The following SHLD2 variants were observed in gnomAD, a reference collection of about 807,000 sequenced individuals.
The protein encoded by SHLD2 is shieldin complex subunit 2.
In SHLD2, 30 loss-of-function variants were observed where a neutral mutation model predicts 73.2. The ratio of observed to expected loss-of-function variants is 0.41; its 90% CI spans 0.31 to 0.56. The LOEUF (loss-of-function observed/expected upper bound fraction) is 0.56. SHLD2 is among the 20% of genes least tolerant of loss of function. SHLD2 has a pLI of 0.28. For synonymous variants in SHLD2, 285 were observed against 370.1 expected, an observed-to-expected ratio of 0.77 and a Z score of 2.64; for missense variants, 745 against 1,055.9, an observed-to-expected ratio of 0.71 and a Z score of 4.08.
chr10:87,150,214 G>A (rs1306689197), intron 2 of SHLD2, among the ~76,000 whole-genome samples: 7 of 151,560 alleles, frequency 4.6e-5, no homozygotes, highest in Admixed American at 4.6e-4. Flanking sequence ...TTAGGCACGG[G>A]CCATCACAGC....
At chr10:87,170,799 A>G in intron 5 of SHLD2, 41 bp from the exon 6 acceptor site, 1 of 1,612,944 alleles carries the variant, frequency 6.2e-7, no homozygotes. Context: ...ATCACGTGTG[A>G]TAGAGTAATG....
At chr10:87,189,386 T>A (rs1337836938) in intron 9 of SHLD2, among the ~76,000 whole-genome samples, 2 of 152,258 alleles carry the variant, frequency 1.3e-5, no homozygotes, top group African/African-American at 2.4e-5. Context: ...CAGTGTTTTG[T>A]CCATTCTTGA....
At chr10:87,148,065 A>G (rs1845750401) in intron 2 of SHLD2, among the ~76,000 whole-genome samples, 1 of 152,156 alleles carries the variant, frequency 6.6e-6, no homozygotes, top group African/African-American at 2.4e-5. Flanking sequence ...TGCCTAGGCT[A>G]GTCTTGAACT....
At chr10:87,142,922 C>CTTTTTTTTTTTTT (rs71269253) in intron 2 of SHLD2, among the ~76,000 whole-genome samples, 119 of 83,046 alleles carry the variant, frequency 1.4e-3, no homozygotes, top group Non-Finnish European at 1.9e-3. Context: ...TTTATTTTTA[C>CTTTTTTTTTTTTT]TTTTTTTTTT....
Position 87,187,194 on chromosome 10 carries a change from G to C in SHLD2, c.2509G>C (p.Val837Leu), listed in dbSNP as rs771594387. Residue 837 changes from valine (V) to leucine (L), a missense_variant, in exon 9 of 10, where the codon GTG (valine) becomes CTG (leucine). Around this residue, in one of 5 missense-constraint regions of SHLD2, gnomAD observed 418 missense variants for 567.8 expected, o/e 0.74. Coordinates refer to ENST00000298786, the MANE Select transcript of SHLD2 (RefSeq NM_001330112.2). Reference protein sequence around the residue: ...LNISADCLNRVIVPSSEITYG... With the variant: ...LNISADCLNRLIVPSSEITYG... ...CATTTCTGCAGACTGCCTCAACAGA[G>C]TGATAGGTAATATATCAGTGTGCCA... is the stretch of plus-strand genomic sequence containing the variant. The C allele has an allele frequency of 6.4e-7, 1 of 1,568,766 alleles. No individual in the cohort carries two copies. The highest frequency in any genetic ancestry group is 1.4e-5 in the African/African-American group (1 of 73,974).
intron 9 of SHLD2, among the ~76,000 whole-genome samples, chr10:87,188,556 T>A (rs1034181031): frequency 2.0e-4 from 30 of 152,220 alleles, no homozygotes; most frequent in African/African-American, 5.5e-4. Flanking sequence ...GAGACTACTA[T>A]GTGGAAGAGC....
At chr10:87,104,860 C>T (rs991742155) in intron 2 of SHLD2, among the ~76,000 whole-genome samples, 1 of 151,986 alleles carries the variant, frequency 6.6e-6, no homozygotes, top group Non-Finnish European at 1.5e-5. Flanking sequence ...GAGGTTTCAC[C>T]ATGTTGGCCA....
At chr10:87,186,377 C>T (rs1848620171) in intron 8 of SHLD2, among the ~76,000 whole-genome samples, 2 of 152,230 alleles carry the variant, frequency 1.3e-5, no homozygotes, top group South Asian at 4.1e-4. Flanking sequence ...TTAAAATGCA[C>T]ACTACATAGG....
At chr10:87,164,994 C>T (rs1050744132) in intron 4 of SHLD2, among the ~76,000 whole-genome samples, 3 of 152,014 alleles carry the variant, frequency 2.0e-5, no homozygotes, top group Non-Finnish European at 2.9e-5. Flanking sequence ...CGAGACCAGC[C>T]TGGGCAACAT....
chr10:87,151,870 T>C lies in SHLD2; in HGVS notation c.516T>C (p.His172=), dbSNP rs1400770713. Residue 172 remains histidine, a synonymous_variant, in exon 3 of 10, where the codon CAT becomes CAC. Transcript: ENST00000298786. ...NFNTNLFQLG[H]KCAAVLDLVC... Reference sequence around the variant, plus strand: ...ACACAAATTTGTTTCAGTTGGGCCATAAATGTGCAGCTGTGTTGGATTTGG... The same window carrying C: ...ACACAAATTTGTTTCAGTTGGGCCACAAATGTGCAGCTGTGTTGGATTTGG... 5 of 1,611,538 alleles carry C rather than the reference T, an allele frequency of 3.1e-6. No homozygotes were observed. The highest frequency in any genetic ancestry group is 1.7e-5 in the Admixed American group (1 of 59,956).
intron 9 of SHLD2, among the ~76,000 whole-genome samples, chr10:87,189,949 G>A (rs928669400): frequency 2.6e-5 from 4 of 152,146 alleles, no homozygotes; most frequent in African/African-American, 7.2e-5. Context: ...CGGTCTGAAC[G>A]GTGTGTTATC....
chr10:87,157,121 G>C (rs986754545), intron 3 of SHLD2, among the ~76,000 whole-genome samples: 4 of 152,162 alleles, frequency 2.6e-5, no homozygotes, highest in African/African-American at 9.7e-5. Flanking sequence ...CAACAAATGA[G>C]TTGGGCGCTA....
At chr10:87,175,178 T>C (rs1489028957) in intron 6 of SHLD2, among the ~76,000 whole-genome samples, 1 of 151,038 alleles carries the variant, frequency 6.6e-6, no homozygotes, top group Non-Finnish European at 1.5e-5. Context: ...TGTGTCTAAA[T>C]GCTTTTTGTT....
At chr10:87,138,180 C>T (rs1844931619) in intron 2 of SHLD2, among the ~76,000 whole-genome samples, 1 of 152,012 alleles carries the variant, frequency 6.6e-6, no homozygotes, top group South Asian at 2.1e-4. Context: ...CACCTGTAGT[C>T]CCAGCTACTC....
At chr10:87,183,472 T>C (rs1202159620) in intron 8 of SHLD2, among the ~76,000 whole-genome samples, 1 of 152,222 alleles carries the variant, frequency 6.6e-6, no homozygotes, top group African/African-American at 2.4e-5. Context: ...TCATAATGGA[T>C]TATTCTCACT....
At chr10:87,097,461 G>A (rs1333564128) in intron 2 of SHLD2, among the ~76,000 whole-genome samples, 1 of 152,048 alleles carries the variant, frequency 6.6e-6, no homozygotes, top group Non-Finnish European at 1.5e-5. Context: ...GCGTGGTGGC[G>A]GGGAGGGGGT....
chr10:87,105,213 G>A (rs960428041), intron 2 of SHLD2, among the ~76,000 whole-genome samples: 6 of 152,174 alleles, frequency 3.9e-5, no homozygotes, highest in Non-Finnish European at 7.3e-5. Flanking sequence ...TATGGTGTTA[G>A]AGGATAATAA....
chr10:87,104,648 G>C (rs148271827), intron 2 of SHLD2, among the ~76,000 whole-genome samples: 1 of 151,762 alleles, frequency 6.6e-6, no homozygotes, highest in Admixed American at 6.6e-5. Context: ...CAAATTAACT[G>C]TACTAAGGTA....
At chr10:87,131,585 A>G (rs1229496911) in intron 2 of SHLD2, among the ~76,000 whole-genome samples, 5 of 152,032 alleles carry the variant, frequency 3.3e-5, no homozygotes, top group Non-Finnish European at 7.4e-5. Flanking sequence ...GTGTGGATAT[A>G]TCACATTTTG....
Sources: gnomAD v4.1 joint callset for allele counts (sites outside exome capture counted in the v4.1 genomes callset) on GRCh38, gnomAD v4.1.1 for gene constraint, gnomAD v4.1.1 regional missense constraint, MANE v1.5 for transcripts, NCBI Gene and HGNC (gene_info 2026-07-23, HGNC 2026-07-21) for gene names.